The following MAD2L2 variants were observed in gnomAD, a reference collection of about 807,000 sequenced individuals.
The protein encoded by MAD2L2 is mitotic arrest deficient 2 like 2, also known as mitotic spindle assembly checkpoint protein MAD2B.
A neutral mutation model predicts 30.5 loss-of-function variants in MAD2L2; 17 were observed. That is an observed-to-expected ratio of 0.56 (90% CI 0.38 to 0.84). The LOEUF is 0.84. Ranked by LOEUF, MAD2L2 falls within the 40% of genes least tolerant of loss-of-function variation. The probability of loss-of-function intolerance (pLI) is 0.00; values close to 1 mark genes in which losing one functional copy is unlikely to be tolerated. For synonymous variants in MAD2L2, 101 were observed against 113.9 expected (o/e 0.89, Z 0.72); for missense variants, 213 against 277.4 (o/e 0.77, Z 1.65).
intron 7 of MAD2L2, 143 bp from the exon 8 acceptor site, chr1:11,675,317 A>AC (rs879298225): frequency 4.0e-4 from 246 of 618,302 alleles, no homozygotes; most frequent in African/African-American, 1.5e-3. Flanking sequence ...AGACCCCAGG[A>AC]CCGCCCCCAT....
chr1:11,675,194 CA>C lies in MAD2L2; in HGVS notation c.502-21del, dbSNP rs1159527809. 6.4e-7 allele frequency: 1 copy of C among 1,552,396 alleles called. No homozygotes were observed. Among genetic ancestry groups the C allele is most frequent in the Non-Finnish European group, 8.8e-7 (1 of 1,142,110 alleles). On this transcript the variant is annotated intron_variant, in intron 7 of 8. Transcript: ENST00000376692. ...GAAATCCTAGGGAGGAGACAAAGGT[CA>C]GGGGGGTGACGGGGCTGGGCCCTGG...
rs1427783682 is a variant in MAD2L2, at chr1:11,688,687, T to TA, written c.-692+2725dup. On this transcript the variant is annotated intron_variant, in intron 1 of 10. Transcript: ENST00000235310. The surrounding 1 kb of genome is among the most constrained non-coding windows in gnomAD (Gnocchi z 4.6). Reference sequence around the variant, plus strand: ...TGTGGCCTTTGCAGGCTCACATTGTTAGAGGTGTCTGAACCAGAGCAACCC... The same window carrying TA: ...TGTGGCCTTTGCAGGCTCACATTGTTAAGAGGTGTCTGAACCAGAGCAACCC... Among the ~76,000 whole-genome samples the TA allele has an allele frequency of 2.0e-5, 3 of 152,194 alleles. No homozygotes were observed. Among genetic ancestry groups the TA allele is most frequent in the Admixed American group, 6.5e-5 (1 of 15,284 alleles).
chr1:11,691,359 G>T (rs1327678661), intron 1 of MAD2L2: 2 of 152,152 alleles, frequency 1.3e-5, no homozygotes, highest in Non-Finnish European at 2.9e-5. Context: ...CACAACTGCC[G>T]GAGCCCCTCC....
chr1:11,675,741 C>T lies in MAD2L2; in HGVS notation c.428-10G>A. ...ACTGTGAAGGTACAGCCTGGAGAGG[C>T]AAGAGGTTGGTGGAGGCTCCCCCAC... On this transcript the variant is annotated splice_polypyrimidine_tract_variant and intron_variant, in intron 6 of 8. Transcript: ENST00000376692. The T allele has an allele frequency of 1.2e-6, 2 of 1,613,516 alleles. No individual in the cohort carries two copies. Among genetic ancestry groups the T allele is most frequent in the Non-Finnish European group, 1.7e-6 (2 of 1,179,598 alleles).
chr1:11,680,751 C>G (rs1640860881), intron 1 of MAD2L2, 138 bp from the exon 2 acceptor site: 4 of 1,390,898 alleles, frequency 2.9e-6, no homozygotes, highest in Admixed American at 3.3e-5. Flanking sequence ...CTCAGGGCAG[C>G]TGGAAGAACC....
chr1:11,675,958 G>C (rs1453213685), intron 6 of MAD2L2, 88 bp downstream of exon 6: 1 of 1,163,686 alleles, frequency 8.6e-7, no homozygotes, highest in African/African-American at 1.5e-5. Context: ...ATGAGTCTCA[G>C]AACAGCCAAA....
At chr1:11,686,628 C>G (rs931100024) in intron 1 of MAD2L2, among the ~76,000 whole-genome samples, 1 of 152,080 alleles carries the variant, frequency 6.6e-6, no homozygotes, top group South Asian at 2.1e-4. Flanking sequence ...GCCTCGAACT[C>G]CTGACCCCAA....
At chr1:11,677,686 C>G (rs1381301023) in intron 3 of MAD2L2, 72 bp from the exon 4 acceptor site, 4 of 1,319,596 alleles carry the variant, frequency 3.0e-6, no homozygotes, top group Non-Finnish European at 4.3e-6. Context: ...AACCAGGAGC[C>G]TAAGGCCCCA....
At chr1:11,680,703 C>G (rs767375025) in intron 1 of MAD2L2, 90 bp from the exon 2 acceptor site, 11 of 1,479,672 alleles carry the variant, frequency 7.4e-6, no homozygotes, top group Middle Eastern at 2.4e-4. Flanking sequence ...TCCCCACAGT[C>G]TGTGGGAACT....
At chr1:11,685,354 G>A (rs149730263), upstream of MAD2L2, among the ~76,000 whole-genome samples, 29 of 152,294 alleles carry the variant, frequency 1.9e-4, no homozygotes, top group African/African-American at 6.7e-4. Context: ...AACTGAGTCT[G>A]GATGAGGAGC....
rs1640792495 is a variant in MAD2L2, at chr1:11,677,558, C to T, written c.216G>A (p.Lys72=). The change falls in exon 4 of 9, where the codon AAG becomes AAA. Residue 72 remains lysine, a synonymous_variant. Transcript: ENST00000376692. ...GCACCCTCACCTTCTCCAGGAGTGGCTTGACGCAGTGCAGCGTGTCCTGGA... is the reference window on the plus strand; with the variant it reads ...GCACCCTCACCTTCTCCAGGAGTGGTTTGACGCAGTGCAGCGTGTCCTGGA... ...QYIQDTLHCV[K]PLLEKNDVEK... is the part of the protein sequence containing the mutation. 1 of 1,613,952 alleles carries T rather than the reference C, an allele frequency of 6.2e-7. No homozygotes were observed. Among genetic ancestry groups the T allele is most frequent in the Non-Finnish European group, 8.5e-7 (1 of 1,180,012 alleles).
At chr1:11,677,474 G>A (rs770249368) in intron 4 of MAD2L2, 69 bp downstream of exon 4, 2 of 1,438,620 alleles carry the variant, frequency 1.4e-6, no homozygotes, top group Non-Finnish European at 2.0e-6. Flanking sequence ...TCCCAGAGTT[G>A]GACTGTGAGC....
At chr1:11,677,235 G>C in intron 4 of MAD2L2, 2 of 599,316 alleles carry the variant, frequency 3.3e-6, no homozygotes, top group Non-Finnish European at 5.9e-6. Flanking sequence ...AGCTCAGACA[G>C]AACGTTTAGC....
chr1:11,680,485 C>G lies in MAD2L2; in HGVS notation c.41-14G>C. ...CATCGGCCACCACTGCAGGGGGGCA[C>G]AAGCCGGTGGCGCGCTCGAGGAAGC... On this transcript the variant is annotated splice_polypyrimidine_tract_variant and intron_variant, in intron 2 of 8. Transcript: ENST00000376692. 13 of 1,584,742 alleles carry G rather than the reference C, an allele frequency of 8.2e-6. No individual in the cohort carries two copies. Among genetic ancestry groups the G allele is most frequent in the Non-Finnish European group, 1.1e-5 (13 of 1,167,706 alleles).
chr1:11,675,103 G>A lies in MAD2L2; in HGVS notation c.573C>T (p.Thr191=). ...MHDPRLIPLK[T]MTSDILKMQL... is the part of the protein sequence containing the mutation. ...TCACCTTTAAAATGTCCGACGTCAT[G>A]GTTTTTAGTGGTATCAGCCGGGGGT... Residue 191 remains threonine (T), a synonymous_variant, in exon 8 of 9, where the codon ACC becomes ACT. Transcript: ENST00000376692. The A allele has an allele frequency of 6.3e-7, 1 of 1,598,848 alleles. No individual in the cohort carries two copies. The highest frequency in any genetic ancestry group is 8.5e-7 in the Non-Finnish European group (1 of 1,172,736).
rs1640732366 is a variant in MAD2L2, at chr1:11,674,993, C to A, written c.594+89G>T. 13 of 1,319,542 alleles carry A rather than the reference C, an allele frequency of 9.9e-6. No individual in the cohort carries two copies. Among genetic ancestry groups the A allele is most frequent in the Non-Finnish European group, 1.3e-5 (12 of 939,406 alleles). The allele number at this position is 1,319,542 out of a possible 1,614,324, so 81.7% of individuals were successfully genotyped here. A position where few individuals can be genotyped will look rare whatever the true frequency, so the allele number is the denominator to read the frequency against. On this transcript the variant is annotated intron_variant, in intron 8 of 8. Transcript: ENST00000376692. The surrounding 1 kb of genome is among the most constrained non-coding windows in gnomAD (Gnocchi z 6.1). ...CCACCAGGCACTCCCCCGTTCTCTC[C>A]CGCAAGCCCTCTAGTAAGGCCTCAG... is the stretch of plus-strand genomic sequence containing the variant.
chr1:11,686,279 C>T (rs1444464461), intron 1 of MAD2L2, among the ~76,000 whole-genome samples: 1 of 152,190 alleles, frequency 6.6e-6, no homozygotes, highest in Non-Finnish European at 1.5e-5. Context: ...GAGGCCTGAC[C>T]TGGACAGCTG....
At position 11,690,477 on chromosome 1, in the gene MAD2L2, G is replaced by A. The variant is rs1641040404; in HGVS notation, c.-692+936C>T. 6.6e-6 allele frequency among the ~76,000 whole-genome samples: 1 copy of A among 152,166 alleles called. No individual in the cohort carries two copies. Among genetic ancestry groups the A allele is most frequent in the Non-Finnish European group, 1.5e-5 (1 of 68,032 alleles). Reference sequence around the variant, plus strand: ...TCACGCCTAGAACACTGAAATTTAGGTATAATCATGAGCTCAGAGGTCAGG... The same window carrying A: ...TCACGCCTAGAACACTGAAATTTAGATATAATCATGAGCTCAGAGGTCAGG... On this transcript the variant is annotated intron_variant, in intron 1 of 10. Coordinates refer to the MAD2L2 transcript ENST00000235310. The surrounding 1 kb of genome is among the most constrained non-coding windows in gnomAD (Gnocchi z 4.2).
rs1026251693 is a variant in MAD2L2, at chr1:11,688,287, C to T, written c.-692+3126G>A. Among the ~76,000 whole-genome samples, 5 of 152,148 alleles carry T rather than the reference C, an allele frequency of 3.3e-5. No homozygotes were observed. The highest frequency in any genetic ancestry group is 9.7e-5 in the African/African-American group (4 of 41,434). On this transcript the variant is annotated intron_variant, in intron 1 of 10. Coordinates refer to the MAD2L2 transcript ENST00000235310. This position sits in a 1 kb window ranked among gnomAD's most constrained non-coding sequence, Gnocchi z 4.6. ...AGGAATCAGCACACGTGGCCGGGCA[C>T]GGTGGCTCATGCCTGTAATCCCAGA...
Sources: gnomAD v4.1 joint callset for allele counts (sites outside exome capture counted in the v4.1 genomes callset) on GRCh38, gnomAD v4.1.1 for gene constraint, Gnocchi (gnomAD v3.1) non-coding constraint, MANE v1.5 for transcripts, NCBI Gene and HGNC (gene_info 2026-07-23, HGNC 2026-07-21) for gene names.